Variants in PPP2R2C observed in about 807,000 individuals in gnomAD.
The protein encoded by PPP2R2C is protein phosphatase 2 regulatory subunit Bgamma, also known as protein phosphatase 2, regulatory subunit B, gamma.
In PPP2R2C, 10 loss-of-function variants were observed where a neutral mutation model predicts 45.3. That is an observed-to-expected ratio of 0.22 (90% CI 0.14 to 0.37). PPP2R2C has a LOEUF of 0.37. Among genes scored for constraint, PPP2R2C ranks in the 10% least tolerant of loss-of-function variants. The probability of loss-of-function intolerance (pLI) is 1.00; values close to 1 mark genes in which losing one functional copy is unlikely to be tolerated. For synonymous variants in PPP2R2C, 257 were observed against 245.4 expected (o/e 1.05, Z -0.44); for missense variants, 308 against 619.7 (o/e 0.50, Z 5.34).
intron 3 of PPP2R2C, among the ~76,000 whole-genome samples, chr4:6,377,094 G>A (rs1715366944): frequency 6.6e-6 from 1 of 152,240 alleles, no homozygotes; most frequent in African/African-American, 2.4e-5. Flanking sequence ...ACAGGGCGAG[G>A]ATAGCCTTCA....
rs1452414304 is a variant in PPP2R2C at position 6,538,561 on chromosome 4, C to T, written c.-58-3184G>A. The stretch of plus-strand genomic sequence containing the variant: ...TAGGCAAAGGAAAATGAGATGAGGT[C>T]ACGTCATCTTCCAAACGCCAATAAC... On this transcript the variant is annotated intron_variant, in intron 1 of 9. Coordinates refer to the PPP2R2C transcript ENST00000506140. Among the ~76,000 whole-genome samples, 7 of 152,290 alleles carry T rather than the reference C, an allele frequency of 4.6e-5. No homozygotes were observed. In the South Asian group the frequency reaches 1.2e-3, roughly 27 times the overall value.
chr4:6,374,414 C>T (rs923822372), intron 4 of PPP2R2C, among the ~76,000 whole-genome samples: 1 of 152,276 alleles, frequency 6.6e-6, no homozygotes, highest in Non-Finnish European at 1.5e-5. Context: ...ATGAGTAAAA[C>T]ATGCTGCCTC....
rs191846640 is a variant in PPP2R2C at position 6,380,934 on chromosome 4, C to T, written c.168+63G>A. On this transcript the variant is annotated intron_variant, in intron 2 of 8. Transcript: ENST00000382599. Reference sequence around the variant, plus strand: ...TTATCCTTATCCCCTCCCACCATGCCCGCCTCCCACCTGACTCTGCTCCCC... The same window carrying T: ...TTATCCTTATCCCCTCCCACCATGCTCGCCTCCCACCTGACTCTGCTCCCC... 1.4e-4 allele frequency: 209 copies of T among 1,454,834 alleles called. 2 individuals carry two copies. The East Asian group carries it at 3.5e-3, about 24-fold the overall frequency. The allele number at this position is 1,454,834 out of a possible 1,614,324, so 90.1% of individuals were successfully genotyped here.
intron 1 of PPP2R2C, among the ~76,000 whole-genome samples, chr4:6,547,905 A>C (rs990879831): frequency 6.6e-6 from 1 of 152,206 alleles, no homozygotes; most frequent in Non-Finnish European, 1.5e-5. Context: ...ATTTTTAACC[A>C]TGGGGGAATT....
intron 1 of PPP2R2C, chr4:6,421,060 T>A (rs1287730910): frequency 1.0e-6 from 1 of 985,104 alleles, no homozygotes; most frequent in Admixed American, 6.2e-5. Context: ...TCTTCCTATT[T>A]GGGGTGTCCA....
chr4:6,362,402 A>G lies in PPP2R2C; in HGVS notation c.625+10121T>C, dbSNP rs140599327. 5.9e-5 allele frequency among the ~76,000 whole-genome samples: 9 copies of G among 152,312 alleles called. No homozygotes were observed. In the East Asian group the frequency reaches 1.5e-3, roughly 26 times the overall value. ...CCAGGGAGGTCTGTCAAGAAGGGAC[A>G]GGAGGCAGGCCAGGGTCGCACACCT... On this transcript the variant is annotated intron_variant, in intron 5 of 8. Transcript: ENST00000382599.
At chr4:6,539,961 G>A (rs558040322) in intron 1 of PPP2R2C, among the ~76,000 whole-genome samples, 1 of 152,304 alleles carries the variant, frequency 6.6e-6, no homozygotes, top group South Asian at 2.1e-4. Context: ...ACCTGCCCCA[G>A]GCCCGTGAGG....
intron 1 of PPP2R2C, among the ~76,000 whole-genome samples, chr4:6,400,024 T>C (rs775588620): frequency 2.0e-5 from 3 of 152,232 alleles, no homozygotes; most frequent in Non-Finnish European, 4.4e-5. Flanking sequence ...GTGAATGCAT[T>C]GAAGTCTCTT....
At chr4:6,411,369 G>A (rs763363569) in intron 1 of PPP2R2C, among the ~76,000 whole-genome samples, 3 of 152,000 alleles carry the variant, frequency 2.0e-5, no homozygotes, top group East Asian at 1.9e-4. Context: ...AGCTGATGGC[G>A]TGACGCTCCC....
At position 6,505,050 on chromosome 4, in the gene PPP2R2C, G is replaced by A. The variant is rs557502037; in HGVS notation, c.49+30221C>T. 9.2e-5 allele frequency among the ~76,000 whole-genome samples: 14 copies of A among 152,152 alleles called. No homozygotes were observed. In the East Asian group the frequency reaches 2.3e-3, roughly 25 times the overall value. On this transcript the variant is annotated intron_variant, in intron 2 of 9. Transcript: ENST00000506140. ...TAAAGAAAAACTCTGGAAAGAAGCC[G>A]GAGAAAAATGACACATTACAAACAA...
intron 1 of PPP2R2C, among the ~76,000 whole-genome samples, chr4:6,453,595 G>A (rs567015498): frequency 2.0e-5 from 3 of 151,804 alleles, no homozygotes; most frequent in South Asian, 2.1e-4. Context: ...GTGCGGGCAC[G>A]TGGTGTGCAC....
At position 6,364,918 on chromosome 4, in the gene PPP2R2C, A is replaced by C. The variant is rs1439671664; in HGVS notation, c.625+7605T>G. 3.3e-5 allele frequency among the ~76,000 whole-genome samples: 5 copies of C among 152,196 alleles called. No individual in the cohort carries two copies. Among genetic ancestry groups the C allele is most frequent in the Admixed American group, 1.3e-4 (2 of 15,280 alleles). ...ACTCATCGAGGCTTGAGCAAGAAGAAGACTATCTTTTTGCTCACCTAGAAA... is the reference window on the plus strand; with the variant it reads ...ACTCATCGAGGCTTGAGCAAGAAGACGACTATCTTTTTGCTCACCTAGAAA... On this transcript the variant is annotated intron_variant, in intron 5 of 8. Coordinates refer to ENST00000382599, the MANE Select transcript of PPP2R2C (RefSeq NM_020416.4). This position sits in a 1 kb window ranked among gnomAD's most constrained non-coding sequence, Gnocchi z 5.3.
intron 5 of PPP2R2C, among the ~76,000 whole-genome samples, chr4:6,354,136 G>A (rs931408593): frequency 4.6e-5 from 7 of 150,638 alleles, no homozygotes; most frequent in Non-Finnish European, 1.0e-4. Context: ...CAGCATCTCT[G>A]TCCCCATGGG....
intron 1 of PPP2R2C, among the ~76,000 whole-genome samples, chr4:6,538,766 A>T (rs1388624148): frequency 1.3e-5 from 2 of 152,198 alleles, no homozygotes; most frequent in African/African-American, 4.8e-5. Flanking sequence ...CTCGTTACAA[A>T]GGCAGCAGAC....
At chr4:6,428,455 G>C (rs1246489831) in intron 1 of PPP2R2C, among the ~76,000 whole-genome samples, 1 of 152,242 alleles carries the variant, frequency 6.6e-6, no homozygotes, top group Non-Finnish European at 1.5e-5. Flanking sequence ...CCTGGATATA[G>C]CACAGTCCGG....
intron 1 of PPP2R2C, among the ~76,000 whole-genome samples, chr4:6,444,361 C>T (rs1720310635): frequency 6.6e-6 from 1 of 151,092 alleles, no homozygotes; most frequent in African/African-American, 2.4e-5. Context: ...TGTTTTCATA[C>T]CCATTTTCTT....
chr4:6,493,058 T>A (rs1722756882), intron 2 of PPP2R2C, among the ~76,000 whole-genome samples: 1 of 152,050 alleles, frequency 6.6e-6, no homozygotes, highest in Non-Finnish European at 1.5e-5. Flanking sequence ...GGACTTTGCA[T>A]CTGCTATTTC....
intron 2 of PPP2R2C, among the ~76,000 whole-genome samples, chr4:6,532,606 TAA>T (rs1724442990): frequency 6.6e-6 from 1 of 152,114 alleles, no homozygotes; most frequent in Admixed American, 6.5e-5. Flanking sequence ...AAAGGCAAAA[TAA>T]AGACACTTCC....
intron 1 of PPP2R2C, among the ~76,000 whole-genome samples, chr4:6,560,870 C>T (rs570124737): frequency 1.1e-4 from 17 of 152,368 alleles, no homozygotes; most frequent in African/African-American, 3.6e-4. Flanking sequence ...TGCCTCCTGC[C>T]ACCTCCCCAA....
Sources: gnomAD v4.1 joint callset for allele counts (sites outside exome capture counted in the v4.1 genomes callset) on GRCh38, gnomAD v4.1.1 for gene constraint, Gnocchi (gnomAD v3.1) non-coding constraint, MANE v1.5 for transcripts, NCBI Gene and HGNC (gene_info 2026-07-23, HGNC 2026-07-21) for gene names.